The following HCN1 variants were observed in gnomAD, a reference collection of about 807,000 sequenced individuals.
HCN1 encodes potassium/sodium hyperpolarization-activated cyclic nucleotide-gated channel 1.
A neutral mutation model predicts 78.9 loss-of-function variants in HCN1; 13 were observed. The ratio of observed to expected loss-of-function variants is 0.16; its 90% CI spans 0.11 to 0.26. HCN1 has a LOEUF of 0.26. Among genes scored for constraint, HCN1 ranks in the 10% least tolerant of loss-of-function variants. The pLI is 1.00. For synonymous variants in HCN1, 552 were observed against 455.5 expected (o/e 1.21, Z -2.70); for missense variants, 810 against 1,154.3 (o/e 0.70, Z 4.32).
chr5:45,678,739 ATTAAAC>A (rs1225228538), intron 1 of HCN1, among the ~76,000 whole-genome samples: 5 of 152,046 alleles, frequency 3.3e-5, no homozygotes, highest in Non-Finnish European at 5.9e-5. Flanking sequence ...TTTCTGGAGT[ATTAAAC>A]TTAAGTACAG....
intron 5 of HCN1, among the ~76,000 whole-genome samples, chr5:45,333,426 C>G (rs1313471993): frequency 6.6e-6 from 1 of 151,654 alleles, no homozygotes; most frequent in East Asian, 1.9e-4. Flanking sequence ...ATATTTTCTC[C>G]TATTCTGTGG....
chr5:45,457,418 GTAAT>G, intron 3 of HCN1, among the ~76,000 whole-genome samples: 1 of 152,050 alleles, frequency 6.6e-6, no homozygotes, highest in Non-Finnish European at 1.5e-5. Context: ...TTATTAGAAA[GTAAT>G]TATCTGCTAT....
At chr5:45,637,235 C>T (rs922615713) in intron 2 of HCN1, among the ~76,000 whole-genome samples, 1 of 152,100 alleles carries the variant, frequency 6.6e-6, no homozygotes, top group African/African-American at 2.4e-5. Flanking sequence ...TCTTCTACTC[C>T]CTACCACACA....
chr5:45,262,581 G>A lies in HCN1; in HGVS notation c.2013C>T (p.Thr671=), dbSNP rs754340747. ...AGTGCAGGTTGCTGTGAGACAGGCTGGTCGCTGTGTACACCGGTGGAGATT... is the reference window on the plus strand; with the variant it reads ...AGTGCAGGTTGCTGTGAGACAGGCTAGTCGCTGTGTACACCGGTGGAGATT... ...RTQSPPVYTA[T]SLSHSNLHSP... The change falls in exon 8 of 8, where the codon ACC becomes ACT. Residue 671 remains threonine, a synonymous_variant. Coordinates refer to ENST00000303230, the MANE Select transcript of HCN1 (RefSeq NM_021072.4). The A allele has an allele frequency of 6.2e-7, 1 of 1,613,982 alleles. No homozygotes were observed. Among genetic ancestry groups the A allele is most frequent in the Non-Finnish European group, 8.5e-7 (1 of 1,180,014 alleles).
chr5:45,579,458 G>T (rs1211107802), intron 2 of HCN1, among the ~76,000 whole-genome samples: 1 of 151,766 alleles, frequency 6.6e-6, no homozygotes, highest in Non-Finnish European at 1.5e-5. Context: ...TTTCCCTTTG[G>T]TCATATTTTC....
At chr5:45,380,445 A>T (rs1747783014) in intron 4 of HCN1, among the ~76,000 whole-genome samples, 1 of 152,124 alleles carries the variant, frequency 6.6e-6, no homozygotes, top group African/African-American at 2.4e-5. Flanking sequence ...GATATCCAGC[A>T]TATGTCTAGA....
chr5:45,375,812 A>AATATAATATTTTATGATATATCTTAT (rs1198475696), intron 4 of HCN1, among the ~76,000 whole-genome samples: 6 of 115,452 alleles, frequency 5.2e-5, no homozygotes, highest in African/African-American at 2.2e-4. Flanking sequence ...TCTTATATAT[A>AATATAATATTTTATGATATATCTTAT]ATATAATATT....
chr5:45,447,149 T>G (rs1247951864), intron 3 of HCN1, among the ~76,000 whole-genome samples: 2 of 152,148 alleles, frequency 1.3e-5, no homozygotes, highest in Non-Finnish European at 2.9e-5. Context: ...CCATCTCACG[T>G]GCAGAGACAC....
intron 2 of HCN1, among the ~76,000 whole-genome samples, chr5:45,550,922 G>A (rs1743354821): frequency 6.6e-6 from 1 of 151,856 alleles, no homozygotes; most frequent in African/African-American, 2.4e-5. Flanking sequence ...AATCACAGCT[G>A]CAGCTAATTT....
Position 45,261,743 on chromosome 5 carries a change from G to GAT in HCN1, c.*176_*177dup. On this transcript the variant is annotated 3_prime_UTR_variant, in exon 8 of 8. Coordinates refer to ENST00000303230, the MANE Select transcript of HCN1 (RefSeq NM_021072.4). ...CTTTTGACCCTCTCTTGGGAATTTA[G>GAT]ATATATATTTTATAGTATATGTATA... 3.2e-6 allele frequency: 2 copies of GAT among 615,876 alleles called. No individual in the cohort carries two copies. Among genetic ancestry groups the GAT allele is most frequent in the Non-Finnish European group, 2.7e-6 (1 of 373,004 alleles). 38.2% of individuals were successfully genotyped at this position (615,876 alleles called of 1,614,324 possible). A position where few individuals can be genotyped will look rare whatever the true frequency, so the allele number is the denominator to read the frequency against.
intron 7 of HCN1, 118 bp from the exon 8 acceptor site, chr5:45,262,928 A>C: frequency 9.3e-7 from 1 of 1,072,694 alleles, no homozygotes; most frequent in Non-Finnish European, 1.4e-6. Flanking sequence ...AGGCTTAAAA[A>C]GCCAGTCACT....
intron 5 of HCN1, among the ~76,000 whole-genome samples, chr5:45,312,737 G>T (rs1302525552): frequency 6.6e-6 from 1 of 152,178 alleles, no homozygotes; most frequent in Non-Finnish European, 1.5e-5. Context: ...CCTGGCTCAG[G>T]GGGTCCCACG....
chr5:45,553,260 T>C (rs1743406204), intron 2 of HCN1, among the ~76,000 whole-genome samples: 1 of 151,838 alleles, frequency 6.6e-6, no homozygotes, highest in Non-Finnish European at 1.5e-5. Flanking sequence ...TGAGGCCCCA[T>C]TCATCTTTCT....
intron 1 of HCN1, among the ~76,000 whole-genome samples, chr5:45,663,042 C>A (rs1460202226): frequency 6.7e-6 from 1 of 148,232 alleles, no homozygotes; most frequent in African/African-American, 2.5e-5. Context: ...CATCACACTA[C>A]CTGACTTCAA....
chr5:45,355,918 G>C (rs967247329), intron 4 of HCN1, among the ~76,000 whole-genome samples: 2 of 151,914 alleles, frequency 1.3e-5, no homozygotes, highest in Non-Finnish European at 2.9e-5. Flanking sequence ...AAATTAGGTA[G>C]TAATCTCTGT....
At chr5:45,621,555 CT>C (rs1232044845) in intron 2 of HCN1, among the ~76,000 whole-genome samples, 24 of 152,076 alleles carry the variant, frequency 1.6e-4, no homozygotes, top group Admixed American at 1.6e-3. Flanking sequence ...TCTAATGGAG[CT>C]TTATTATTTA....
intron 6 of HCN1, among the ~76,000 whole-genome samples, chr5:45,292,732 GT>G (rs1471476707): frequency 2.0e-5 from 3 of 151,834 alleles, no homozygotes; most frequent in African/African-American, 7.2e-5. Flanking sequence ...ACTTTTCTAA[GT>G]TTAGAGCTGG....
intron 2 of HCN1, among the ~76,000 whole-genome samples, chr5:45,603,564 C>T (rs1268425233): frequency 6.6e-6 from 1 of 151,958 alleles, no homozygotes; most frequent in Non-Finnish European, 1.5e-5. Context: ...TTAAAATGGA[C>T]TCTAAACATA....
At chr5:45,324,785 G>T (rs1397822177) in intron 5 of HCN1, among the ~76,000 whole-genome samples, 2 of 151,670 alleles carry the variant, frequency 1.3e-5, no homozygotes, top group Admixed American at 1.3e-4. Flanking sequence ...CTCTGGGAAA[G>T]TTATCTGCAA....
Sources: gnomAD v4.1 joint callset for allele counts (sites outside exome capture counted in the v4.1 genomes callset) on GRCh38, gnomAD v4.1.1 for gene constraint, MANE v1.5 for transcripts, NCBI Gene and HGNC (gene_info 2026-07-23, HGNC 2026-07-21) for gene names.